SUMF2: variants seen among roughly 807,000 people sequenced by gnomAD.
The protein encoded by SUMF2 is sulfatase modifying factor 2.
Under a neutral mutation model 44.8 loss-of-function variants are expected in SUMF2, and 45 were observed. That is an observed-to-expected ratio of 1.00 (90% confidence interval 0.79 to 1.29). SUMF2 has a LOEUF of 1.29. Among genes scored for constraint, SUMF2 ranks in the 50% most tolerant of loss-of-function variants. The pLI is 0.00. For missense variants in SUMF2, 418 were observed against 389.9 expected (o/e 1.07, Z -0.61); for synonymous variants, 148 against 150.4 (o/e 0.98, Z 0.12).
downstream of SUMF2, chr7:56,084,016 A>C (rs1429491349): frequency 1.6e-6 from 1 of 625,384 alleles, no homozygotes; most frequent in South Asian, 1.9e-5. Context: ...AATTTTTCCC[A>C]CCATTTCATG....
chr7:56,065,164 G>C (rs1310977730), intron 1 of SUMF2, among the ~76,000 whole-genome samples: 2 of 138,494 alleles, frequency 1.4e-5, no homozygotes, highest in Non-Finnish European at 3.0e-5. Context: ...CTGCACTCCA[G>C]CCTGGGCGAC....
chr7:56,073,411 G>A (rs1795310649), intron 3 of SUMF2: 1 of 397,716 alleles, frequency 2.5e-6, no homozygotes, highest in Non-Finnish European at 4.8e-6. Flanking sequence ...TCAGCACTTT[G>A]AGAGGCTGAG....
downstream of SUMF2, chr7:56,081,887 T>C (rs1331726733): frequency 8.7e-6 from 14 of 1,613,048 alleles, no homozygotes; most frequent in Non-Finnish European, 1.2e-5. This position sits in a 1 kb window ranked among gnomAD's most constrained non-coding sequence, Gnocchi z 4.6. Context: ...TGGCCTGGCC[T>C]CTCACCAGGT....
At chr7:56,072,505 A>G (rs771024115) in intron 2 of SUMF2, among the ~76,000 whole-genome samples, 3 of 151,032 alleles carry the variant, frequency 2.0e-5, no homozygotes, top group Non-Finnish European at 4.4e-5. Flanking sequence ...CAGGTGGATC[A>G]CTAGGTCAGG....
the SUMF2 span, chr7:56,087,895 C>T: frequency 2.6e-6 from 2 of 761,226 alleles, no homozygotes. Flanking sequence ...CCCCCAACTT[C>T]CTCTGAGCTT....
At chr7:56,083,329 G>A (rs113579109), downstream of SUMF2, 9 of 1,614,130 alleles carry the variant, frequency 5.6e-6, no homozygotes, top group East Asian at 6.7e-5. Context: ...AAGTCTGTGA[G>A]CTTGATGTTC....
downstream of SUMF2, chr7:56,082,155 G>A (rs116607814): frequency 6.8e-4 from 1,102 of 1,613,146 alleles, 8 homozygotes; most frequent in African/African-American, 0.013. Flanking sequence ...CTTTCCCGGC[G>A]CACTCACATG....
chr7:56,064,319 G>C lies in SUMF2; in HGVS notation c.8G>C (p.Arg3Pro), dbSNP rs749955395. The C allele has an allele frequency of 7.5e-6, 12 of 1,595,790 alleles. No individual in the cohort carries two copies. The highest frequency in any genetic ancestry group is 1.0e-5 in the Non-Finnish European group (12 of 1,171,660). Residue 3 changes from arginine (R) to proline (P), a missense_variant, in exon 1 of 9, where the codon CGG (arginine) becomes CCG (proline). By Grantham distance (103) the Arg-to-Pro change is moderately radical. Coordinates refer to ENST00000434526, the MANE Select transcript of SUMF2 (RefSeq NM_015411.4). ...CGCAGCGCGGCAGTCCTGATGGCCC[G>C]GCATGGGTTACCGCTGCTGCCCCTG... MA[R>P]HGLPLLPLLS...
rs780961128 is a variant in SUMF2 at position 56,064,363 on chromosome 7, G to T, written c.52G>T (p.Ala18Ser). 6.2e-7 allele frequency: 1 copy of T among 1,604,424 alleles called. No individual in the cohort carries two copies. The highest frequency in any genetic ancestry group is 8.5e-7 in the Non-Finnish European group (1 of 1,175,976). ...LLPLLSLLVGAWLKLGNGQAT... is the reference protein window; with the variant it reads ...LLPLLSLLVGSWLKLGNGQAT... ...GCCCCTGCTGTCGCTCCTGGTCGGC[G>T]CGTGGCTCAAGCTAGGTCAGTGAAC... Residue 18 changes from alanine (A) to serine (S), a missense_variant, in exon 1 of 9, where the codon GCG becomes TCG. Ala to Ser is a moderately conservative substitution (Grantham distance 99). Transcript: ENST00000434526.
downstream of SUMF2, chr7:56,081,680 G>T: frequency 6.2e-7 from 1 of 1,613,922 alleles, no homozygotes; most frequent in African/African-American, 1.3e-5. This position sits in a 1 kb window ranked among gnomAD's most constrained non-coding sequence, Gnocchi z 4.6. Context: ...ACCAAGTACT[G>T]CTGGAAGAAG....
At chr7:56,081,705 C>T (rs758414312), downstream of SUMF2, 3 of 1,613,992 alleles carry the variant, frequency 1.9e-6, no homozygotes, top group Admixed American at 3.3e-5. The surrounding 1 kb of genome is among the most constrained non-coding windows in gnomAD (Gnocchi z 4.6). Context: ...GTGCCAAGGC[C>T]TCTTCCGCTG....
In SUMF2 at chr7:56,073,964, C is replaced by A. The variant is rs538811333; in HGVS notation, c.340-210C>A. The A allele has an allele frequency of 1.7e-5, 10 of 583,528 alleles. No homozygotes were observed. In the Admixed American group the frequency reaches 2.9e-4, roughly 17 times the overall value. 36.1% of individuals were successfully genotyped at this position (583,528 alleles called of 1,614,324 possible). ...CAGGAGGTTGAGACTGCAGTGAGCTCTGATGGTGCCACTGCACTCTAGCCT... is the reference window on the plus strand; with the variant it reads ...CAGGAGGTTGAGACTGCAGTGAGCTATGATGGTGCCACTGCACTCTAGCCT... On this transcript the variant is annotated intron_variant, in intron 3 of 8. Transcript: ENST00000434526.
downstream of SUMF2, chr7:56,083,055 G>A (rs913823282): frequency 2.4e-5 from 11 of 459,576 alleles, no homozygotes; most frequent in Admixed American, 3.6e-4. Flanking sequence ...GCAGTGAGCC[G>A]AGATTGTGCC....
At chr7:56,081,663 T>A (rs1014594114), downstream of SUMF2, 1 of 1,613,606 alleles carries the variant, frequency 6.2e-7, no homozygotes, top group Non-Finnish European at 8.5e-7. This position sits in a 1 kb window ranked among gnomAD's most constrained non-coding sequence, Gnocchi z 4.6. Context: ...AGTGCCGCAC[T>A]TCCTCCACCA....
chr7:56,076,570 T>C, intron 5 of SUMF2: 1 of 374,578 alleles, frequency 2.7e-6, no homozygotes. Context: ...CAACATGAAC[T>C]GATAACAGAT....
At chr7:56,083,380 G>A (rs1310237471), downstream of SUMF2, 18 of 1,613,940 alleles carry the variant, frequency 1.1e-5, no homozygotes, top group South Asian at 7.7e-5. Context: ...TTCAGGTCCC[G>A]GTGCACGATG....
At chr7:56,065,072 G>C (rs1268421864) in intron 1 of SUMF2, among the ~76,000 whole-genome samples, 1 of 149,222 alleles carries the variant, frequency 6.7e-6, no homozygotes, top group South Asian at 2.1e-4. Context: ...GGCGCTTGTA[G>C]TCCCAGCTAC....
At chr7:56,066,091 A>AG (rs1794772731) in intron 1 of SUMF2, among the ~76,000 whole-genome samples, 1 of 150,876 alleles carries the variant, frequency 6.6e-6, no homozygotes, top group African/African-American at 2.4e-5. Flanking sequence ...ACAAAAAAAA[A>AG]AAAAAAAAAA....
chr7:56,076,996 C>A, intron 6 of SUMF2, 107 bp downstream of exon 6: 1 of 997,406 alleles, frequency 1.0e-6, no homozygotes, highest in Non-Finnish European at 1.5e-6. Context: ...TCTAATGCAA[C>A]TGATGACTCA....
Sources: gnomAD v4.1 joint callset for allele counts (sites outside exome capture counted in the v4.1 genomes callset) on GRCh38, gnomAD v4.1.1 for gene constraint, Gnocchi (gnomAD v3.1) non-coding constraint, MANE v1.5 for transcripts, NCBI Gene and HGNC (gene_info 2026-07-23, HGNC 2026-07-21) for gene names.